Variants in EYA3 observed in about 807,000 individuals in gnomAD.
The protein encoded by EYA3 is protein phosphatase EYA3.
In EYA3, 39 loss-of-function variants were observed where a neutral mutation model predicts 80.0. The ratio of observed to expected loss-of-function variants is 0.49; its 90% CI spans 0.38 to 0.64. The LOEUF (loss-of-function observed/expected upper bound fraction) is 0.64, where lower values mean the gene tolerates loss of function less well. EYA3 is among the 30% of genes least tolerant of loss of function. The probability of loss-of-function intolerance (pLI) is 0.00; values close to 1 mark genes in which losing one functional copy is unlikely to be tolerated. For synonymous variants in EYA3, 206 were observed against 232.8 expected, an observed-to-expected ratio of 0.88 and a Z score of 1.05; for missense variants, 523 against 676.1, an observed-to-expected ratio of 0.77 and a Z score of 2.51.
chr1:28,027,928 T>A lies in EYA3; in HGVS notation c.362-2A>T, dbSNP rs763200894. 51 of 1,613,946 alleles carry A rather than the reference T, an allele frequency of 3.2e-5. No individual in the cohort carries two copies. Among genetic ancestry groups the A allele is most frequent in the Non-Finnish European group, 4.2e-5 (49 of 1,179,962 alleles). On this transcript the variant is annotated splice_acceptor_variant, in intron 6 of 17. Transcript: ENST00000373871. LOFTEE classifies it high-confidence loss of function. ...GTTTCATACCTGGCCACAATGCACC[T>A]GAATCAGATAAATTGGACCAATTAC...
At chr1:27,985,956 G>A (rs1012034618) in intron 16 of EYA3, among the ~76,000 whole-genome samples, 2 of 152,142 alleles carry the variant, frequency 1.3e-5, no homozygotes, top group Admixed American at 6.5e-5. Context: ...CCTAAGGTGA[G>A]AGCTAGTAGT....
At chr1:27,990,850 A>AT (rs113205149) in intron 14 of EYA3, among the ~76,000 whole-genome samples, 3,472 of 140,054 alleles carry the variant, frequency 0.025, 57 homozygotes, top group Middle Eastern at 0.059. Context: ...CGTGCCTGGC[A>AT]TTTTTTTTTT....
At chr1:28,051,702 CA>C (rs1220383380) in intron 2 of EYA3, among the ~76,000 whole-genome samples, 11 of 151,428 alleles carry the variant, frequency 7.3e-5, no homozygotes, top group African/African-American at 2.4e-4. Context: ...AACAAACAAA[CA>C]AAAAAACTTA....
intron 1 of EYA3, among the ~76,000 whole-genome samples, chr1:28,073,237 A>G (rs955145260): frequency 1.4e-5 from 2 of 139,108 alleles, no homozygotes; most frequent in African/African-American, 2.7e-5. Context: ...GGTTCATGCA[A>G]TTCTCCTGCC....
At chr1:28,062,657 G>GGTGTGTGTGTGTGTGT (rs71027260) in intron 1 of EYA3, among the ~76,000 whole-genome samples, 1,547 of 141,588 alleles carry the variant, frequency 0.011, 22 homozygotes, top group East Asian at 0.026. Context: ...AATATATGTA[G>GGTGTGTGTGTGTGTGT]GTGTGTGTGT....
chr1:28,051,678 C>A (rs1644255517), intron 2 of EYA3, among the ~76,000 whole-genome samples: 1 of 152,040 alleles, frequency 6.6e-6, no homozygotes, highest in African/African-American at 2.4e-5. Context: ...CAAGGCAAGA[C>A]TCTGTCTAAA....
intron 4 of EYA3, 23 bp from the exon 5 acceptor site, chr1:28,038,928 A>T: frequency 6.4e-7 from 1 of 1,551,772 alleles, no homozygotes; most frequent in Non-Finnish European, 8.8e-7. Context: ...TAATATCACC[A>T]GGTTAAAAAG....
intron 16 of EYA3, among the ~76,000 whole-genome samples, chr1:27,984,539 T>C (rs1475363585): frequency 1.3e-5 from 2 of 152,192 alleles, no homozygotes; most frequent in Non-Finnish European, 2.9e-5. Context: ...TTTTTGCATA[T>C]AACATAAAGA....
At chr1:28,073,125 ATATTTTTTTTTTTTTTT>A (rs1645082391) in intron 1 of EYA3, among the ~76,000 whole-genome samples, 1 of 32,594 alleles carries the variant, frequency 3.1e-5, no homozygotes, top group Non-Finnish European at 5.6e-5. Context: ...ATATATATAT[ATATTTTTTTTTTTTTTT>A]TTTTTTTTTA....
intron 13 of EYA3, among the ~76,000 whole-genome samples, chr1:27,994,285 G>A (rs1640272162): frequency 6.6e-6 from 1 of 152,200 alleles, no homozygotes; most frequent in Non-Finnish European, 1.5e-5. Context: ...AGGAACTAAA[G>A]CCTTCTGTCA....
intron 1 of EYA3, among the ~76,000 whole-genome samples, chr1:28,084,583 ATATATATATATATTTTTTTTTTTTTTTTT>A (rs1180536616): frequency 2.5e-3 from 43 of 17,292 alleles, no homozygotes; most frequent in African/African-American, 0.01. Flanking sequence ...ATATATATAT[ATATATATATATATTTTTTTTTTTTTTTTT>A]TTTTTTTTTT....
chr1:28,013,221 G>A lies in EYA3; in HGVS notation c.659C>T (p.Thr220Ile), dbSNP rs150960971. The change falls in exon 9 of 18, where the codon ACA (threonine) becomes ATA (isoleucine). Residue 220 changes from threonine to isoleucine, a missense_variant. Physicochemically the swap from Thr to Ile is moderately conservative, Grantham distance 89. Transcript: ENST00000373871. This position sits in a 1 kb window ranked among gnomAD's most constrained non-coding sequence, Gnocchi z 4.0. ...ACYPSSSFGV[T>I]GQTNSDAEST... Reference sequence around the variant, plus strand: ...CTCTGCATCACTGTTAGTCTGACCTGTGACTCCAAAGCTGGAGCTGGGGTA... The same window carrying A: ...CTCTGCATCACTGTTAGTCTGACCTATGACTCCAAAGCTGGAGCTGGGGTA... The A allele has an allele frequency of 3.5e-4, 570 of 1,613,964 alleles. 1 individual carries two copies. Among genetic ancestry groups the A allele is most frequent in the Non-Finnish European group, 4.7e-4 (552 of 1,180,002 alleles).
At chr1:28,006,620 C>A (rs751095576) in intron 10 of EYA3, among the ~76,000 whole-genome samples, 1 of 152,056 alleles carries the variant, frequency 6.6e-6, no homozygotes, top group Non-Finnish European at 1.5e-5. Context: ...GCAGGAGAAT[C>A]GCTTGAACCT....
intron 17 of EYA3, among the ~76,000 whole-genome samples, chr1:27,976,476 A>G (rs190078229): frequency 6.6e-6 from 1 of 151,860 alleles, no homozygotes; most frequent in East Asian, 1.9e-4. Context: ...AAAACAAAAC[A>G]AAAAAAAGAA....
At chr1:28,023,565 T>A (rs1642587451) in intron 7 of EYA3, among the ~76,000 whole-genome samples, 1 of 152,138 alleles carries the variant, frequency 6.6e-6, no homozygotes, top group Non-Finnish European at 1.5e-5. Flanking sequence ...GAGAAAAACA[T>A]CAGATAAATT....
chr1:28,006,605 C>G (rs1010467416), intron 10 of EYA3, among the ~76,000 whole-genome samples: 7 of 152,040 alleles, frequency 4.6e-5, no homozygotes, highest in African/African-American at 1.7e-4. Flanking sequence ...ACTCAGGAGT[C>G]CGAGGCAGGA....
intron 6 of EYA3, among the ~76,000 whole-genome samples, chr1:28,028,318 A>G (rs77932843): frequency 0.015 from 2,290 of 152,318 alleles, 33 homozygotes; most frequent in South Asian, 0.027. Flanking sequence ...GACATTCCAT[A>G]TAAGTTTAAA....
rs529510276 is a variant in EYA3, at chr1:27,970,899, G to C, written c.*3567C>G. 1 of 152,208 alleles carries C rather than the reference G, an allele frequency of 6.6e-6. No individual in the cohort carries two copies. The highest frequency in any genetic ancestry group is 1.5e-5 in the Non-Finnish European group (1 of 68,062). The allele number at this position is 152,208 out of a possible 1,614,324, so 9.4% of individuals were successfully genotyped here. A position where few individuals can be genotyped will look rare whatever the true frequency, so the allele number is the denominator to read the frequency against. On this transcript the variant is annotated 3_prime_UTR_variant, in exon 18 of 18. Transcript: ENST00000373871. ...CTACCCCATACTCCTCTCCCCTGTG[G>C]TTCAGTGACACTGACAACCATTCAA...
intron 7 of EYA3, among the ~76,000 whole-genome samples, chr1:28,022,990 T>TA (rs768741633): frequency 7.3e-5 from 11 of 150,104 alleles, no homozygotes; most frequent in Non-Finnish European, 1.5e-4. Flanking sequence ...CAGGATTCCT[T>TA]AAAAAAAATG....
Sources: gnomAD v4.1 joint callset for allele counts (sites outside exome capture counted in the v4.1 genomes callset) on GRCh38, gnomAD v4.1.1 for gene constraint, Gnocchi (gnomAD v3.1) non-coding constraint, MANE v1.5 for transcripts, NCBI Gene and HGNC (gene_info 2026-07-23, HGNC 2026-07-21) for gene names.